The following RNGTT variants were observed in gnomAD, a reference collection of about 807,000 sequenced individuals.
RNGTT encodes RNA guanylyltransferase and 5'-phosphatase.
In RNGTT, 33 loss-of-function variants were observed where a neutral mutation model predicts 79.3. That is an observed-to-expected ratio of 0.42 (90% CI 0.32 to 0.56). RNGTT has a LOEUF of 0.56. Among genes scored for constraint, RNGTT ranks in the 20% least tolerant of loss-of-function variants. RNGTT has a pLI of 0.17. For missense variants in RNGTT, 497 were observed against 739.1 expected (o/e 0.67, Z 3.80); for synonymous variants, 222 against 235.9 (o/e 0.94, Z 0.54).
intron 14 of RNGTT, among the ~76,000 whole-genome samples, chr6:88,625,282 T>C (rs1464484129): frequency 6.6e-6 from 1 of 151,944 alleles, no homozygotes; most frequent in Non-Finnish European, 1.5e-5. Context: ...TGAATAAAAA[T>C]GTTTACAGTA....
At chr6:88,917,900 A>G (rs1453073597) in intron 4 of RNGTT, among the ~76,000 whole-genome samples, 1 of 152,186 alleles carries the variant, frequency 6.6e-6, no homozygotes, top group Non-Finnish European at 1.5e-5. Flanking sequence ...AAAAAGACTG[A>G]GAATGAACCA....
At chr6:88,854,480 A>C (rs1023417508) in intron 8 of RNGTT, among the ~76,000 whole-genome samples, 1 of 152,188 alleles carries the variant, frequency 6.6e-6, no homozygotes, top group Non-Finnish European at 1.5e-5. Context: ...TATTCTCTCC[A>C]CTTCAAAATA....
At chr6:88,683,434 C>T (rs1775162488) in intron 13 of RNGTT, among the ~76,000 whole-genome samples, 1 of 152,044 alleles carries the variant, frequency 6.6e-6, no homozygotes, top group Non-Finnish European at 1.5e-5. Flanking sequence ...CTCCCATAAA[C>T]AATTTTAAAT....
chr6:88,743,027 C>T (rs558497983), intron 13 of RNGTT, among the ~76,000 whole-genome samples: 19 of 152,164 alleles, frequency 1.2e-4, no homozygotes, highest in South Asian at 1.2e-3. Flanking sequence ...TGTGAAGATA[C>T]GCTATATTTC....
At position 88,961,098 on chromosome 6, in the gene RNGTT, A is replaced by G. The variant is rs139116370; in HGVS notation, c.64+2248T>C. Among the ~76,000 whole-genome samples, 1,166 of 152,328 alleles carry G rather than the reference A, an allele frequency of 7.7e-3. 4 individuals carry two copies. Among genetic ancestry groups the G allele is most frequent in the Middle Eastern group, 0.024 (7 of 294 alleles). ...CATCTAATCAGCTGCCAGCATGGCT[A>G]GAATATAAAGCAGGCAGAAAAATGT... is the stretch of plus-strand genomic sequence containing the variant. On this transcript the variant is annotated intron_variant, in intron 1 of 15. Transcript: ENST00000369485.
At chr6:88,902,791 G>A (rs1167993051) in intron 6 of RNGTT, among the ~76,000 whole-genome samples, 2 of 151,018 alleles carry the variant, frequency 1.3e-5, no homozygotes, top group African/African-American at 4.9e-5. Flanking sequence ...TGCCTCTGGG[G>A]TTCAAGCCAT....
At chr6:88,651,132 A>C (rs1262281745) in intron 14 of RNGTT, among the ~76,000 whole-genome samples, 6 of 151,980 alleles carry the variant, frequency 3.9e-5, no homozygotes, top group Admixed American at 3.9e-4. Flanking sequence ...AACAACAACA[A>C]CACAACGATT....
At chr6:88,700,534 AG>A (rs1196993591) in intron 13 of RNGTT, among the ~76,000 whole-genome samples, 3 of 152,040 alleles carry the variant, frequency 2.0e-5, no homozygotes, top group African/African-American at 7.2e-5. Context: ...CCAGTTAATA[AG>A]GGGGGGCAGT....
In RNGTT at chr6:88,704,259, C is replaced by CAAAAAAAA. The variant is rs35623392; in HGVS notation, c.1440-25848_1440-25841dup. 2.6e-3 allele frequency among the ~76,000 whole-genome samples: 127 copies of CAAAAAAAA among 48,696 alleles called. 3 individuals are homozygous for CAAAAAAAA. Among genetic ancestry groups the CAAAAAAAA allele is most frequent in the African/African-American group, 8.3e-3 (124 of 15,028 alleles). The allele number at this position is 48,696 out of a possible 152,430, so 31.9% of individuals were successfully genotyped here. ...TGGGTGACAGAGCGAGACTCTGTCT[C>CAAAAAAAA]AAAAAAAAAAAAAAAAAAAAAAAAA... is the stretch of plus-strand genomic sequence containing the variant. On this transcript the variant is annotated intron_variant, in intron 13 of 15. Coordinates refer to ENST00000369485, the MANE Select transcript of RNGTT (RefSeq NM_003800.5).
chr6:88,674,114 AG>A lies in RNGTT; in HGVS notation c.1506+4238del, dbSNP rs141921964. On this transcript the variant is annotated intron_variant, in intron 14 of 15. Coordinates refer to ENST00000369485, the MANE Select transcript of RNGTT (RefSeq NM_003800.5). ...AATACTTGTCATTATTTAAGGAACT[AG>A]AAAAGTCAAGAGGTTCCATAATTCA... 8.3e-3 allele frequency among the ~76,000 whole-genome samples: 1,259 copies of A among 152,386 alleles called. 19 individuals are homozygous for A. The highest frequency in any genetic ancestry group is 0.029 in the African/African-American group (1,186 of 41,588).
intron 9 of RNGTT, among the ~76,000 whole-genome samples, chr6:88,851,642 TAAGCAAAGCA>T (rs1287891263): frequency 1.3e-5 from 2 of 152,070 alleles, no homozygotes; most frequent in African/African-American, 4.8e-5. Context: ...AGAACATAGT[TAAGCAAAGCA>T]AAACAAAAGC....
intron 6 of RNGTT, among the ~76,000 whole-genome samples, chr6:88,900,215 A>G (rs1783403211): frequency 6.6e-6 from 1 of 152,150 alleles, no homozygotes; most frequent in Non-Finnish European, 1.5e-5. Context: ...GGAGACCGAC[A>G]TATTAGTTTT....
In RNGTT at chr6:88,839,500, G is replaced by A. The variant is rs535151948; in HGVS notation, c.1269+4857C>T. On this transcript the variant is annotated intron_variant, in intron 11 of 15. Coordinates refer to ENST00000369485, the MANE Select transcript of RNGTT (RefSeq NM_003800.5). ...TGGGAGGATTGTTTGAGTCTGGGAG[G>A]TCAAGGATGCAGGGAGCCATGATCG... Among the ~76,000 whole-genome samples, 36 of 152,132 alleles carry A rather than the reference G, an allele frequency of 2.4e-4. 2 individuals carry two copies. The South Asian group carries it at 7.3e-3, about 31-fold the overall frequency.
At chr6:88,903,987 T>G (rs1222740319) in intron 6 of RNGTT, among the ~76,000 whole-genome samples, 1 of 152,154 alleles carries the variant, frequency 6.6e-6, no homozygotes, top group Non-Finnish European at 1.5e-5. Flanking sequence ...GTGAGAGTCT[T>G]CTTGATTTAA....
intron 4 of RNGTT, among the ~76,000 whole-genome samples, chr6:88,910,147 C>A (rs1192889482): frequency 1.3e-5 from 2 of 151,998 alleles, no homozygotes; most frequent in Non-Finnish European, 2.9e-5. Flanking sequence ...AACGTAATGT[C>A]TGAAATTATA....
intron 14 of RNGTT, among the ~76,000 whole-genome samples, chr6:88,624,789 C>T (rs1406534717): frequency 6.6e-6 from 1 of 151,530 alleles, no homozygotes; most frequent in Non-Finnish European, 1.5e-5. Context: ...AAAGACAAAG[C>T]ATAGATTATA....
At chr6:88,814,517 C>T (rs537076700) in intron 11 of RNGTT, among the ~76,000 whole-genome samples, 1 of 152,098 alleles carries the variant, frequency 6.6e-6, no homozygotes, top group African/African-American at 2.4e-5. Context: ...GAAATGCTCA[C>T]CTTTTCTAAA....
chr6:88,734,755 T>C (rs1337525233), intron 13 of RNGTT, among the ~76,000 whole-genome samples: 1 of 152,170 alleles, frequency 6.6e-6, no homozygotes. Flanking sequence ...GCAGAAAGTA[T>C]ACTTTGAGTA....
intron 12 of RNGTT, among the ~76,000 whole-genome samples, chr6:88,780,300 C>T (rs918682454): frequency 2.0e-5 from 3 of 152,046 alleles, no homozygotes. Context: ...AATAAGCTAA[C>T]AATATTTATG....
Sources: gnomAD v4.1 joint callset for allele counts (sites outside exome capture counted in the v4.1 genomes callset) on GRCh38, gnomAD v4.1.1 for gene constraint, MANE v1.5 for transcripts, NCBI Gene and HGNC (gene_info 2026-07-23, HGNC 2026-07-21) for gene names.